LAMC1: variants seen among roughly 807,000 people sequenced by gnomAD.
LAMC1 encodes the protein laminin subunit gamma 1, also known as laminin subunit gamma-1.
LAMC1 carries 38 observed loss-of-function variants against 173.6 expected under a neutral mutation model. That is an observed-to-expected ratio of 0.22 (90% confidence interval 0.17 to 0.29). The LOEUF is 0.29. Among genes scored for constraint, LAMC1 ranks in the 10% least tolerant of loss-of-function variants. LAMC1 has a pLI of 1.00. For missense variants in LAMC1, 1,824 were observed against 2,051.8 expected (o/e 0.89, Z 2.14); for synonymous variants, 746 against 749.1 (o/e 1.00, Z 0.07).
intron 8 of LAMC1, 47 bp downstream of exon 8, chr1:183,116,950 C>T: frequency 6.5e-7 from 1 of 1,538,694 alleles, no homozygotes; most frequent in Non-Finnish European, 8.8e-7. Flanking sequence ...TGAGATTACA[C>T]TTAAAATATT....
intron 1 of LAMC1, among the ~76,000 whole-genome samples, chr1:183,079,235 T>C (rs1443752348): frequency 1.3e-4 from 1 of 7,756 alleles, no homozygotes; most frequent in Non-Finnish European, 2.6e-4. Context: ...TAATCTGGTT[T>C]TTTTTTTTTT....
intron 13 of LAMC1, among the ~76,000 whole-genome samples, chr1:183,124,337 G>A (rs1364515029): frequency 1.3e-5 from 2 of 152,108 alleles, no homozygotes; most frequent in Non-Finnish European, 2.9e-5. Flanking sequence ...ATAAACCTTG[G>A]GCTTGACTCA....
At position 183,136,568 on chromosome 1, in the gene LAMC1, G is replaced by A. The variant is rs748288143; in HGVS notation, c.4297G>A (p.Ala1433Thr). Reference protein sequence around the residue: ...KNKAHEAERIASAVQKNATST... With the variant: ...KNKAHEAERITSAVQKNATST... ...CAAGGCCCATGAGGCGGAGAGGATC[G>A]CGAGCGCTGTCCAAAAGGTGTGCGT... The change falls in exon 25 of 28, where the codon GCG (alanine) becomes ACG (threonine). Residue 1433 changes from alanine (A) to threonine (T), a missense_variant. Ala to Thr is a moderately conservative substitution (Grantham distance 58). Transcript: ENST00000258341. 34 of 1,608,192 alleles carry A rather than the reference G, an allele frequency of 2.1e-5. No homozygotes were observed. The highest frequency in any genetic ancestry group is 1.9e-4 in the Admixed American group (11 of 58,780).
At chr1:183,041,306 G>T (rs537949404) in intron 1 of LAMC1, among the ~76,000 whole-genome samples, 1 of 152,096 alleles carries the variant, frequency 6.6e-6, no homozygotes, top group Non-Finnish European at 1.5e-5. Context: ...TGCTCCCACC[G>T]TGTGGGTACT....
In LAMC1 at chr1:183,118,044, G is replaced by A; in HGVS notation, c.1888G>A (p.Ala630Thr). The change falls in exon 11 of 28, where the codon GCA becomes ACA. Residue 630 changes from alanine (A) to threonine (T), a missense_variant. Physicochemically the swap from Ala to Thr is moderately conservative, Grantham distance 58. Coordinates refer to ENST00000258341, the MANE Select transcript of LAMC1 (RefSeq NM_002293.4). ...TTTCTTTCTCTCCAGGCTCCATGAA[G>A]CAACAGATTACCCTTGGAGGCCTGC... ...TVKYVFRLHE[A>T]TDYPWRPALT... The A allele has an allele frequency of 1.2e-6, 2 of 1,607,794 alleles. No individual in the cohort carries two copies. The highest frequency in any genetic ancestry group is 2.7e-5 in the African/African-American group (2 of 74,838).
In LAMC1 at chr1:183,109,944, C is replaced by T. The variant is rs573241904; in HGVS notation, c.855-544C>T. 3.9e-5 allele frequency among the ~76,000 whole-genome samples: 6 copies of T among 152,218 alleles called. No homozygotes were observed. The East Asian group carries it at 1.2e-3, about 29-fold the overall frequency. On this transcript the variant is annotated intron_variant, in intron 3 of 27. Transcript: ENST00000258341. ...CTAATGTGTCTCACCACCTTTAGGT[C>T]GGAATACTTTAAAATCATTATGGCA...
chr1:183,120,355 T>G (rs1378465128), intron 11 of LAMC1, among the ~76,000 whole-genome samples: 2 of 152,076 alleles, frequency 1.3e-5, no homozygotes, highest in Admixed American at 1.3e-4. Context: ...ATTTTTAGAA[T>G]GGGGAGACTT....
chr1:183,054,508 G>A (rs1280536207), intron 1 of LAMC1, among the ~76,000 whole-genome samples: 1 of 152,110 alleles, frequency 6.6e-6, no homozygotes, highest in Non-Finnish European at 1.5e-5. Context: ...TAATGGCAAC[G>A]ATACTATAAC....
Position 183,099,844 on chromosome 1 carries a change from A to G in LAMC1, c.419-3484A>G, listed in dbSNP as rs1182761981. On this transcript the variant is annotated intron_variant, in intron 1 of 27. Transcript: ENST00000258341. ...GCTCCCTACAGACATTTCCTCATCTACTGACCTGCAGGCATCCCAGAACTA... is the reference window on the plus strand; with the variant it reads ...GCTCCCTACAGACATTTCCTCATCTGCTGACCTGCAGGCATCCCAGAACTA... Among the ~76,000 whole-genome samples the G allele has an allele frequency of 2.6e-5, 4 of 152,038 alleles. No individual in the cohort carries two copies. The South Asian group carries it at 6.2e-4, about 24-fold the overall frequency.
chr1:183,030,308 T>A (rs1276117506), intron 1 of LAMC1, among the ~76,000 whole-genome samples: 1 of 152,190 alleles, frequency 6.6e-6, no homozygotes, highest in East Asian at 1.9e-4. Flanking sequence ...AGAGCAGTAC[T>A]TTCATGTTAT....
intron 1 of LAMC1, among the ~76,000 whole-genome samples, chr1:183,068,242 T>TTG (rs1553254404): frequency 1.3e-5 from 2 of 152,016 alleles, no homozygotes. Context: ...TTGTTTTTTT[T>TTG]TGTGTGTGTA....
chr1:183,111,444 G>A (rs1214847115), intron 4 of LAMC1, among the ~76,000 whole-genome samples: 1 of 152,036 alleles, frequency 6.6e-6, no homozygotes, highest in Non-Finnish European at 1.5e-5. Context: ...GTACAACGGG[G>A]AGAATTTTCC....
At chr1:183,050,099 G>GT (rs1654376472) in intron 1 of LAMC1, among the ~76,000 whole-genome samples, 1 of 151,958 alleles carries the variant, frequency 6.6e-6, no homozygotes, top group Non-Finnish European at 1.5e-5. Flanking sequence ...AGTTGGTGTT[G>GT]GTTATATTGT....
In LAMC1 at chr1:183,127,447, T is replaced by C. The variant is rs112550932; in HGVS notation, c.3123+43T>C. Reference sequence around the variant, plus strand: ...CATTCATTCATTCATCCAGCAGACGTTGAGTGGCAACTTACTGTGCACTAA... The same window carrying C: ...CATTCATTCATTCATCCAGCAGACGCTGAGTGGCAACTTACTGTGCACTAA... On this transcript the variant is annotated intron_variant, in intron 17 of 27. Transcript: ENST00000258341. The C allele has an allele frequency of 0.016, 25,922 of 1,576,896 alleles. 539 individuals are homozygous for C. The highest frequency in any genetic ancestry group is 0.078 in the South Asian group (7,013 of 89,596).
At chr1:183,125,598 A>AT (rs769895707) in intron 15 of LAMC1, 48 bp downstream of exon 15, 1 of 1,406,494 alleles carries the variant, frequency 7.1e-7, no homozygotes, top group Admixed American at 2.4e-5. Context: ...TTTTTCTGTT[A>AT]TAAAAAATGA....
At chr1:183,045,755 C>A (rs1012283268) in intron 1 of LAMC1, among the ~76,000 whole-genome samples, 1 of 151,988 alleles carries the variant, frequency 6.6e-6, no homozygotes, top group Admixed American at 6.6e-5. Context: ...CCAGAGTGAT[C>A]GTGCTAGTTT....
intron 2 of LAMC1, among the ~76,000 whole-genome samples, chr1:183,106,077 G>C (rs1558049723): frequency 6.6e-6 from 1 of 152,106 alleles, no homozygotes; most frequent in Non-Finnish European, 1.5e-5. Context: ...TACAGATGAG[G>C]AATCAGAGGC....
chr1:183,025,343 T>G (rs1451248832), intron 1 of LAMC1, among the ~76,000 whole-genome samples: 1 of 152,218 alleles, frequency 6.6e-6, no homozygotes, highest in African/African-American at 2.4e-5. Flanking sequence ...TAACAAAAAG[T>G]ACTTTGAAAA....
In LAMC1 at chr1:183,114,685, T is replaced by G. The variant is rs773629580; in HGVS notation, c.1176T>G (p.Asn392Lys). ...CRENFFRLGN[N>K]EACSSCHCSP... The stretch of plus-strand genomic sequence containing the variant: ...AGAACTTCTTCCGCCTTGGCAACAA[T>G]GAAGCCTGCTCTTCATGCCACTGTA... Residue 392 changes from asparagine to lysine, a missense_variant, in exon 5 of 28, where the codon AAT (asparagine) becomes AAG (lysine). Physicochemically the swap from Asn to Lys is moderately conservative, Grantham distance 94. Transcript: ENST00000258341. 4.3e-6 allele frequency: 7 copies of G among 1,614,028 alleles called. No individual in the cohort carries two copies. The highest frequency in any genetic ancestry group is 1.7e-5 in the Admixed American group (1 of 60,008).
Sources: allele counts gnomAD v4.1 joint callset (sites outside exome capture counted in the v4.1 genomes callset), GRCh38; gene constraint gnomAD v4.1.1; transcripts MANE v1.5; gene names NCBI Gene and HGNC (gene_info 2026-07-23, HGNC 2026-07-21).